The following DLC1 variants were observed in gnomAD, a reference collection of about 807,000 sequenced individuals.
The protein encoded by DLC1 is rho GTPase-activating protein 7.
A neutral mutation model predicts 140.3 loss-of-function variants in DLC1; 54 were observed. The ratio of observed to expected loss-of-function variants is 0.38; its 90% confidence interval spans 0.31 to 0.48. The LOEUF (loss-of-function observed/expected upper bound fraction) is 0.48. Among genes scored for constraint, DLC1 ranks in the 20% least tolerant of loss-of-function variants. The probability of loss-of-function intolerance (pLI) is 0.96; values close to 1 mark genes in which losing one functional copy is unlikely to be tolerated. For missense variants in DLC1, 2,536 were observed against 1,907.0 expected (o/e 1.33, Z -6.14); for synonymous variants, 986 against 728.1 (o/e 1.35, Z -5.70).
intron 2 of DLC1, among the ~76,000 whole-genome samples, chr8:13,490,840 CT>C (rs1801201286): frequency 6.6e-6 from 1 of 151,932 alleles, no homozygotes; most frequent in Admixed American, 6.6e-5. Context: ...CTGTTAACAG[CT>C]GATGTAAATG....
intron 5 of DLC1, among the ~76,000 whole-genome samples, chr8:13,252,201 T>C (rs759185292): frequency 1.3e-5 from 2 of 152,170 alleles, no homozygotes; most frequent in Non-Finnish European, 2.9e-5. Context: ...GACATGCTTA[T>C]AAAATCTATG....
intron 5 of DLC1, among the ~76,000 whole-genome samples, chr8:13,142,307 G>A (rs985761508): frequency 3.9e-5 from 6 of 152,150 alleles, no homozygotes; most frequent in Non-Finnish European, 8.8e-5. Flanking sequence ...AATATTTGAG[G>A]ATTTATCAGT....
chr8:13,502,446 G>GT (rs1252768484), intron 1 of DLC1, among the ~76,000 whole-genome samples: 4 of 152,046 alleles, frequency 2.6e-5, no homozygotes, highest in Non-Finnish European at 4.4e-5. Context: ...TGGTCTGATA[G>GT]TTTTTTTAAA....
intron 5 of DLC1, chr8:13,276,418 C>T (rs763833765): frequency 6.9e-7 from 1 of 1,447,466 alleles, no homozygotes; most frequent in African/African-American, 1.5e-5. Context: ...CAGACGCCTT[C>T]AGCGCAGCCC....
chr8:13,215,459 G>A (rs987681382), intron 5 of DLC1, among the ~76,000 whole-genome samples: 7 of 152,082 alleles, frequency 4.6e-5, no homozygotes, highest in African/African-American at 9.7e-5. Context: ...GGTGGGGCAC[G>A]TCTATAGTCA....
intron 5 of DLC1, among the ~76,000 whole-genome samples, chr8:13,223,185 T>G (rs913021802): frequency 6.6e-6 from 1 of 151,984 alleles, no homozygotes; most frequent in Non-Finnish European, 1.5e-5. Context: ...TAAATGATAA[T>G]GTGAAATGCT....
intron 1 of DLC1, among the ~76,000 whole-genome samples, chr8:13,582,472 G>A (rs1206913125): frequency 1.3e-5 from 2 of 152,044 alleles, no homozygotes; most frequent in African/African-American, 2.4e-5. Flanking sequence ...TCAGCTGCCA[G>A]CAAATATAAA....
intron 2 of DLC1, among the ~76,000 whole-genome samples, chr8:13,434,911 C>G (rs1247080349): frequency 6.6e-6 from 1 of 152,124 alleles, no homozygotes; most frequent in East Asian, 1.9e-4. Context: ...AACTCCTGAG[C>G]TCAAGCGATC....
At position 13,279,545 on chromosome 8, in the gene DLC1, T is replaced by C. The variant is rs186101448; in HGVS notation, c.1348+25724A>G. ...GGAGGGGAAGTGCAGCTAAGCATTT[T>C]TGAGCAAGGCAAACTTTAATTATAG... On this transcript the variant is annotated intron_variant, in intron 5 of 17. Coordinates refer to ENST00000276297, the MANE Select transcript of DLC1 (RefSeq NM_182643.3). 9.8e-5 allele frequency among the ~76,000 whole-genome samples: 15 copies of C among 152,338 alleles called. No homozygotes were observed. In the East Asian group the frequency reaches 1.9e-3, roughly 20 times the overall value.
intron 1 of DLC1, among the ~76,000 whole-genome samples, chr8:13,501,027 G>T (rs1404338668): frequency 6.6e-6 from 1 of 152,168 alleles, no homozygotes; most frequent in East Asian, 1.9e-4. Context: ...GGAATTATGA[G>T]ATTCTACCTT....
At chr8:13,450,175 G>T (rs1223805029) in intron 2 of DLC1, among the ~76,000 whole-genome samples, 1 of 151,968 alleles carries the variant, frequency 6.6e-6, no homozygotes, top group Non-Finnish European at 1.5e-5. Context: ...CCAAGGAGAG[G>T]CCAGGCATGG....
At chr8:13,095,309 T>C in intron 10 of DLC1, 64 bp from the exon 11 acceptor site, 2 of 1,599,218 alleles carry the variant, frequency 1.3e-6, no homozygotes, top group Non-Finnish European at 1.7e-6. Flanking sequence ...TCTACACTTG[T>C]CCAATTCTGC....
intron 10 of DLC1, chr8:13,095,732 G>C (rs929434447): frequency 6.3e-6 from 1 of 157,682 alleles, no homozygotes; most frequent in African/African-American, 2.4e-5. Flanking sequence ...GGTCCCTTTT[G>C]TCTTGAAAAA....
intron 1 of DLC1, among the ~76,000 whole-genome samples, chr8:13,575,112 C>G (rs1267986165): frequency 6.6e-6 from 1 of 152,130 alleles, no homozygotes; most frequent in Non-Finnish European, 1.5e-5. Context: ...CAGAAATTTT[C>G]CAACTGGCAG....
At chr8:13,321,355 T>G (rs1295500179) in intron 4 of DLC1, among the ~76,000 whole-genome samples, 1 of 151,848 alleles carries the variant, frequency 6.6e-6, no homozygotes, top group South Asian at 2.1e-4. Context: ...CTGGTCAACA[T>G]GGTGAAACCC....
intron 2 of DLC1, among the ~76,000 whole-genome samples, chr8:13,416,178 C>T (rs1280683562): frequency 6.6e-6 from 1 of 152,146 alleles, no homozygotes; most frequent in Non-Finnish European, 1.5e-5. Flanking sequence ...CACTTTGGTC[C>T]TGTTTCACTG....
intron 5 of DLC1, among the ~76,000 whole-genome samples, chr8:13,166,889 G>A (rs73208940): frequency 2.6e-4 from 39 of 152,230 alleles, no homozygotes; most frequent in Non-Finnish European, 4.9e-4. Context: ...GGTGCCCTGT[G>A]GCCCTGGAGA....
At chr8:13,414,456 T>C (rs1377905373) in intron 2 of DLC1, among the ~76,000 whole-genome samples, 3 of 152,222 alleles carry the variant, frequency 2.0e-5, no homozygotes, top group African/African-American at 7.2e-5. Flanking sequence ...ACCAATTTAA[T>C]GTGTGATCTG....
intron 6 of DLC1, among the ~76,000 whole-genome samples, chr8:13,113,931 G>A (rs1439786054): frequency 6.6e-6 from 1 of 152,124 alleles, no homozygotes; most frequent in African/African-American, 2.4e-5. Context: ...AGGAAGACCG[G>A]GTATTCTAAC....
Sources: gnomAD v4.1 joint callset for allele counts (sites outside exome capture counted in the v4.1 genomes callset) on GRCh38, gnomAD v4.1.1 for gene constraint, MANE v1.5 for transcripts, NCBI Gene and HGNC (gene_info 2026-07-23, HGNC 2026-07-21) for gene names.